Variants in SNX25 observed in about 807,000 individuals in gnomAD.
SNX25 encodes the protein sorting nexin-25.
Under a neutral mutation model 113.7 loss-of-function variants are expected in SNX25, and 62 were observed. The observed-to-expected ratio is 0.55, with a 90% CI of 0.44 to 0.67. The LOEUF is 0.67. Among genes scored for constraint, SNX25 ranks in the 30% least tolerant of loss-of-function variants. The pLI is 0.00. For missense variants in SNX25, 1,014 were observed against 1,161.0 expected (o/e 0.87, Z 1.84); for synonymous variants, 421 against 436.2 (o/e 0.97, Z 0.43).
chr4:185,318,102 CATT>C (rs1287181852), intron 7 of SNX25, among the ~76,000 whole-genome samples: 1 of 152,092 alleles, frequency 6.6e-6, no homozygotes, highest in African/African-American at 2.4e-5. Context: ...AGCAGGGGCT[CATT>C]GTTGGTGTCA....
At chr4:185,258,805 T>G (rs1370655580) in intron 2 of SNX25, 43 bp from the exon 3 acceptor site, 1 of 1,522,004 alleles carries the variant, frequency 6.6e-7, no homozygotes, top group Admixed American at 1.7e-5. Context: ...TGGTGTTTGC[T>G]TCTTTCATTT....
chr4:185,236,346 A>C (rs988216470), intron 1 of SNX25, among the ~76,000 whole-genome samples: 11 of 151,294 alleles, frequency 7.3e-5, no homozygotes, highest in Non-Finnish European at 1.6e-4. Context: ...CAGCCTGGGC[A>C]ACAGAGTGAG....
intron 5 of SNX25, among the ~76,000 whole-genome samples, chr4:185,277,483 CTG>C (rs1237941906): frequency 6.6e-6 from 1 of 152,122 alleles, no homozygotes; most frequent in Non-Finnish European, 1.5e-5. Context: ...GAAACCCTGA[CTG>C]TGGCATTTGC....
At chr4:185,255,815 C>T (rs141490094) in intron 2 of SNX25, among the ~76,000 whole-genome samples, 53 of 152,226 alleles carry the variant, frequency 3.5e-4, no homozygotes, top group African/African-American at 7.9e-4. Context: ...CCTGAAGGGA[C>T]GAAACTCACT....
At chr4:185,270,485 G>A (rs1269536934) in intron 5 of SNX25, among the ~76,000 whole-genome samples, 1 of 152,264 alleles carries the variant, frequency 6.6e-6, no homozygotes, top group Non-Finnish European at 1.5e-5. Context: ...AGGGACTTAA[G>A]AGGCAGTAGA....
intron 1 of SNX25, among the ~76,000 whole-genome samples, chr4:185,231,711 CAAA>C (rs35635272): frequency 0.01 from 1,370 of 134,336 alleles, 23 homozygotes; most frequent in African/African-American, 0.037. Context: ...ACTCCATCTT[CAAA>C]AAAAAAAAAA....
At chr4:185,372,713 G>A (rs75231132), downstream of SNX25, 10 of 615,666 alleles carry the variant, frequency 1.6e-5, no homozygotes, top group South Asian at 7.5e-5. Flanking sequence ...CTGCTGTCAC[G>A]TGAGGACATG....
chr4:185,334,497 C>A lies in SNX25; in HGVS notation c.1914+1738C>A, dbSNP rs1353357038. 1.3e-5 allele frequency among the ~76,000 whole-genome samples: 2 copies of A among 152,170 alleles called. No individual in the cohort carries two copies. Among genetic ancestry groups the A allele is most frequent in the Non-Finnish European group, 2.9e-5 (2 of 68,026 alleles). On this transcript the variant is annotated intron_variant, in intron 10 of 18. Coordinates refer to ENST00000652585, the MANE Select transcript of SNX25 (RefSeq NM_001378034.2). This position sits in a 1 kb window ranked among gnomAD's most constrained non-coding sequence, Gnocchi z 4.2. Reference sequence around the variant, plus strand: ...GAACTCGAAAGCCTGATAGTCTTCCCAGTGACAAGAACATGTCTGAGATGA... The same window carrying A: ...GAACTCGAAAGCCTGATAGTCTTCCAAGTGACAAGAACATGTCTGAGATGA...
At chr4:185,221,115 C>G (rs747612168) in intron 1 of SNX25, among the ~76,000 whole-genome samples, 1 of 151,988 alleles carries the variant, frequency 6.6e-6, no homozygotes, top group Non-Finnish European at 1.5e-5. Context: ...TCACCGCAAC[C>G]TCCACTTCCT....
At chr4:185,347,750 C>T (rs959665744) in intron 13 of SNX25, among the ~76,000 whole-genome samples, 2 of 152,206 alleles carry the variant, frequency 1.3e-5, no homozygotes, top group Admixed American at 1.3e-4. Context: ...GGACTACAGG[C>T]GTGAGCCACT....
At chr4:185,376,147 G>T in the SNX25 span, among the ~76,000 whole-genome samples, 2 of 152,040 alleles carry the variant, frequency 1.3e-5, no homozygotes, top group Non-Finnish European at 2.9e-5. Context: ...CTACTTCCCA[G>T]GCCACCCCAA....
chr4:185,327,284 C>T (rs1377868194), intron 9 of SNX25, among the ~76,000 whole-genome samples: 1 of 152,204 alleles, frequency 6.6e-6, no homozygotes, highest in Non-Finnish European at 1.5e-5. Flanking sequence ...TCCATGTCTC[C>T]TGGGCCTTCC....
At chr4:185,263,596 A>G (rs995495232) in intron 3 of SNX25, among the ~76,000 whole-genome samples, 2 of 152,188 alleles carry the variant, frequency 1.3e-5, no homozygotes, top group African/African-American at 4.8e-5. Flanking sequence ...TTAACACCTG[A>G]GAGGCATGGG....
intron 5 of SNX25, among the ~76,000 whole-genome samples, chr4:185,273,145 G>A (rs1749191392): frequency 6.6e-6 from 1 of 152,164 alleles, no homozygotes; most frequent in Non-Finnish European, 1.5e-5. Flanking sequence ...AATTAGTTAG[G>A]ATCCAGTTCA....
In SNX25 at chr4:185,272,838, A is replaced by G. The variant is rs117068994; in HGVS notation, c.1091+5683A>G. On this transcript the variant is annotated intron_variant, in intron 5 of 18. Transcript: ENST00000652585. ...TTTTACCACGTTTATTGCAATGAAC[A>G]AAGGGTGTTTTCTCACTGACCTTCC... Among the ~76,000 whole-genome samples the G allele has an allele frequency of 5.3e-5, 8 of 152,290 alleles. No individual in the cohort carries two copies. In the East Asian group the frequency reaches 1.5e-3, roughly 29 times the overall value.
At chr4:185,313,140 A>C (rs1191601781) in intron 7 of SNX25, among the ~76,000 whole-genome samples, 2 of 152,224 alleles carry the variant, frequency 1.3e-5, no homozygotes, top group Non-Finnish European at 2.9e-5. Context: ...AAAGATTCAG[A>C]GTGAATTTTT....
downstream of SNX25, among the ~76,000 whole-genome samples, chr4:185,367,755 G>A (rs2095394968): frequency 6.6e-6 from 1 of 152,126 alleles, no homozygotes; most frequent in Non-Finnish European, 1.5e-5. Flanking sequence ...CAGTACCCAC[G>A]ACAGTTGGTC....
chr4:185,282,580 CA>C (rs1243479357), intron 5 of SNX25, among the ~76,000 whole-genome samples: 1 of 152,128 alleles, frequency 6.6e-6, no homozygotes, highest in African/African-American at 2.4e-5. Flanking sequence ...TTTATTTAGC[CA>C]CTTGTAAAAT....
intron 7 of SNX25, among the ~76,000 whole-genome samples, chr4:185,314,244 C>CT (rs2095052350): frequency 6.9e-6 from 1 of 144,954 alleles, no homozygotes; most frequent in Non-Finnish European, 1.5e-5. Flanking sequence ...AATTCCAGCA[C>CT]TTGGCGGGCA....
Sources: allele counts gnomAD v4.1 joint callset (sites outside exome capture counted in the v4.1 genomes callset), GRCh38; gene constraint gnomAD v4.1.1; non-coding constraint Gnocchi (gnomAD v3.1); transcripts MANE v1.5; gene names NCBI Gene and HGNC (gene_info 2026-07-23, HGNC 2026-07-21).